AGBL4: variants seen among roughly 807,000 people sequenced by gnomAD.
AGBL4 encodes the protein AGBL carboxypeptidase 4.
Under a neutral mutation model 66.4 loss-of-function variants are expected in AGBL4, and 58 were observed. The observed-to-expected ratio is 0.87, with a 90% CI of 0.71 to 1.09. The LOEUF (loss-of-function observed/expected upper bound fraction) is 1.09. AGBL4 is among the 50% of genes least tolerant of loss of function. The probability of loss-of-function intolerance (pLI) is 0.00; values close to 1 mark genes in which losing one functional copy is unlikely to be tolerated. For synonymous variants in AGBL4, 234 were observed against 222.9 expected (o/e 1.05, Z -0.44); for missense variants, 579 against 631.0 (o/e 0.92, Z 0.88).
At chr1:49,211,687 G>A (rs1360052305) in intron 4 of AGBL4, among the ~76,000 whole-genome samples, 1 of 151,960 alleles carries the variant, frequency 6.6e-6, no homozygotes, top group Admixed American at 6.6e-5. Context: ...GTGTAGTAGG[G>A]CAGACAGACA....
rs1647075133 is a variant in AGBL4, at chr1:49,877,998, T to C, written c.35-26480A>G. ...GTAGTTTGTATTTCTATGGGATCGGTGGTGATATCCCCTTTATCATTTTTT... is the reference window on the plus strand; with the variant it reads ...GTAGTTTGTATTTCTATGGGATCGGCGGTGATATCCCCTTTATCATTTTTT... On this transcript the variant is annotated intron_variant, in intron 1 of 13. Transcript: ENST00000371839. Among the ~76,000 whole-genome samples the C allele has an allele frequency of 2.0e-5, 3 of 152,090 alleles. No homozygotes were observed. The South Asian group carries it at 6.2e-4, about 31-fold the overall frequency.
chr1:48,722,669 C>T (rs1647170970), intron 6 of AGBL4, among the ~76,000 whole-genome samples: 1 of 152,184 alleles, frequency 6.6e-6, no homozygotes, highest in South Asian at 2.1e-4. Flanking sequence ...GGACTGGTAA[C>T]ATTTCCCTCA....
intron 1 of AGBL4, among the ~76,000 whole-genome samples, chr1:49,907,302 G>T (rs1335961193): frequency 1.3e-5 from 2 of 151,958 alleles, no homozygotes; most frequent in Admixed American, 1.3e-4. Flanking sequence ...TCCTATCCAA[G>T]AATGTAAAAT....
intron 8 of AGBL4, among the ~76,000 whole-genome samples, chr1:48,652,142 C>T (rs1430962970): frequency 6.6e-6 from 1 of 152,126 alleles, no homozygotes; most frequent in Non-Finnish European, 1.5e-5. Flanking sequence ...GTTGAGGCTG[C>T]AGTGAGCCAT....
intron 11 of AGBL4, among the ~76,000 whole-genome samples, chr1:48,553,348 T>C (rs144345828): frequency 2.4e-4 from 36 of 152,280 alleles, no homozygotes; most frequent in Non-Finnish European, 4.1e-4. Flanking sequence ...TTCAACTGGA[T>C]GCACAGTTAA....
chr1:49,950,592 A>G (rs1232149241), intron 1 of AGBL4, among the ~76,000 whole-genome samples: 1 of 151,822 alleles, frequency 6.6e-6, no homozygotes, highest in African/African-American at 2.4e-5. Context: ...AAAAATAAAT[A>G]AATTTTTGAA....
chr1:48,867,306 A>G, intron 5 of AGBL4, 76 bp from the exon 6 acceptor site: 1 of 1,434,716 alleles, frequency 7.0e-7, no homozygotes, highest in South Asian at 1.2e-5. Flanking sequence ...CAGGGCGGAC[A>G]AGCAAAGAGG....
intron 4 of AGBL4, among the ~76,000 whole-genome samples, chr1:49,225,574 T>G (rs574713412): frequency 6.6e-6 from 1 of 152,264 alleles, no homozygotes; most frequent in African/African-American, 2.4e-5. Flanking sequence ...GGATACACTC[T>G]CCAGGTGGGG....
At chr1:49,570,341 T>C (rs1023589821) in intron 3 of AGBL4, among the ~76,000 whole-genome samples, 6 of 152,166 alleles carry the variant, frequency 3.9e-5, no homozygotes, top group African/African-American at 1.4e-4. Flanking sequence ...ATGTTCAGCA[T>C]GCTAAAATTG....
chr1:48,804,060 T>C (rs1373536142), intron 6 of AGBL4, among the ~76,000 whole-genome samples: 1 of 152,224 alleles, frequency 6.6e-6, no homozygotes, highest in Non-Finnish European at 1.5e-5. Context: ...AGTGATAGCA[T>C]AATCCTGGCC....
intron 5 of AGBL4, among the ~76,000 whole-genome samples, chr1:48,976,195 G>A (rs1278767889): frequency 6.6e-6 from 1 of 152,076 alleles, no homozygotes; most frequent in African/African-American, 2.4e-5. Context: ...CACTGCAGAG[G>A]GGGTTCCCAA....
chr1:49,618,882 C>T (rs577116665), intron 3 of AGBL4, among the ~76,000 whole-genome samples: 2 of 152,272 alleles, frequency 1.3e-5, no homozygotes, highest in African/African-American at 4.8e-5. Flanking sequence ...ATGATTATCT[C>T]AATAGATGCA....
intron 3 of AGBL4, among the ~76,000 whole-genome samples, chr1:49,625,137 C>G (rs1645441009): frequency 6.6e-6 from 1 of 152,122 alleles, no homozygotes. Context: ...CAGTTGTTCC[C>G]TAAACTACTA....
At chr1:49,741,153 G>C (rs1650420996) in intron 2 of AGBL4, among the ~76,000 whole-genome samples, 1 of 152,072 alleles carries the variant, frequency 6.6e-6, no homozygotes, top group Non-Finnish European at 1.5e-5. Context: ...TAGACCGCTA[G>C]CAAGACTAAT....
intron 5 of AGBL4, among the ~76,000 whole-genome samples, chr1:48,919,571 A>G (rs1653909428): frequency 6.6e-6 from 1 of 152,238 alleles, no homozygotes. Flanking sequence ...TCAAAGAAAG[A>G]AAGTCAGACA....
intron 6 of AGBL4, among the ~76,000 whole-genome samples, chr1:48,854,664 G>T (rs1186291333): frequency 6.6e-6 from 1 of 152,124 alleles, no homozygotes; most frequent in Non-Finnish European, 1.5e-5. Context: ...TGGTATTTAT[G>T]AGCCACCTCT....
intron 3 of AGBL4, among the ~76,000 whole-genome samples, chr1:49,292,041 T>C (rs1307504491): frequency 1.3e-5 from 2 of 152,206 alleles, no homozygotes; most frequent in African/African-American, 4.8e-5. Context: ...CCTCTTAGGC[T>C]TGAAAATGCC....
intron 3 of AGBL4, among the ~76,000 whole-genome samples, chr1:49,531,824 C>A (rs1651164842): frequency 6.6e-6 from 1 of 152,066 alleles, no homozygotes; most frequent in Non-Finnish European, 1.5e-5. Flanking sequence ...GACTATCCAT[C>A]TCACCCCATA....
chr1:49,546,790 G>A (rs1652525350), intron 3 of AGBL4, among the ~76,000 whole-genome samples: 1 of 152,052 alleles, frequency 6.6e-6, no homozygotes, highest in South Asian at 2.1e-4. Flanking sequence ...ATGCTTATTA[G>A]CCATTTGTAT....
Sources: allele counts gnomAD v4.1 joint callset (sites outside exome capture counted in the v4.1 genomes callset), GRCh38; gene constraint gnomAD v4.1.1; transcripts MANE v1.5; gene names NCBI Gene and HGNC (gene_info 2026-07-23, HGNC 2026-07-21).